CSMD1: variants seen among roughly 807,000 people sequenced by gnomAD.
The protein encoded by CSMD1 is CUB and sushi domain-containing protein 1.
CSMD1 carries 213 observed loss-of-function variants against 417.5 expected under a neutral mutation model. That is an observed-to-expected ratio of 0.51 (90% CI 0.46 to 0.57). The LOEUF is 0.57. Ranked by LOEUF, CSMD1 falls within the 20% of genes least tolerant of loss-of-function variation. The pLI, the probability that CSMD1 is intolerant of heterozygous loss-of-function variation, is 0.00. For missense variants in CSMD1, 6,923 were observed against 4,529.7 expected, an observed-to-expected ratio of 1.53 and a Z score of -15.17; for synonymous variants, 2,862 against 1,736.8, an observed-to-expected ratio of 1.65 and a Z score of -16.11.
intron 1 of CSMD1, among the ~76,000 whole-genome samples, chr8:4,663,018 C>A (rs1245323141): frequency 1.3e-5 from 2 of 152,078 alleles, no homozygotes; most frequent in Admixed American, 1.3e-4. Context: ...TTTTGATTTC[C>A]CTGAAAAATC....
At chr8:3,826,224 G>C (rs139622778) in intron 5 of CSMD1, among the ~76,000 whole-genome samples, 1 of 152,122 alleles carries the variant, frequency 6.6e-6, no homozygotes, top group Non-Finnish European at 1.5e-5. Context: ...ACAGTTGCTA[G>C]AAAGATGAAG....
intron 1 of CSMD1, among the ~76,000 whole-genome samples, chr8:4,845,898 A>G (rs1038344850): frequency 2.6e-5 from 4 of 152,212 alleles, no homozygotes; most frequent in Admixed American, 2.6e-4. Context: ...GTGGCTAACT[A>G]AAATGACAAG....
chr8:4,966,203 A>T (rs1299925598), intron 1 of CSMD1, among the ~76,000 whole-genome samples: 2 of 129,630 alleles, frequency 1.5e-5, no homozygotes, highest in African/African-American at 6.8e-5. Context: ...GTCTCTACTA[A>T]ATATACAAAA....
At chr8:4,915,723 G>C (rs1038410456) in intron 1 of CSMD1, among the ~76,000 whole-genome samples, 1 of 152,206 alleles carries the variant, frequency 6.6e-6, no homozygotes, top group African/African-American at 2.4e-5. Context: ...CATTATGTCC[G>C]GGTTTGGAGA....
intron 1 of CSMD1, among the ~76,000 whole-genome samples, chr8:4,726,182 T>G (rs1360715140): frequency 6.6e-6 from 1 of 152,144 alleles, no homozygotes; most frequent in Admixed American, 6.5e-5. Context: ...GTTGGTTGTA[T>G]TACACTTGGA....
chr8:3,343,322 G>C lies in CSMD1; in HGVS notation c.3603C>G (p.Thr1201=). 1.2e-6 allele frequency: 2 copies of C among 1,613,578 alleles called. No homozygotes were observed. The highest frequency in any genetic ancestry group is 2.2e-5 in the East Asian group (1 of 44,856). The change falls in exon 23 of 70, where the codon ACC becomes ACG. Residue 1201 remains threonine (T), a synonymous_variant. Transcript: ENST00000635120. Reference sequence around the variant, plus strand: ...TATAGGTGAGTTGAAAACCTTGGTCGGTGTCAGATCCATTGGTGTTGAACT... The same window carrying C: ...TATAGGTGAGTTGAAAACCTTGGTCCGTGTCAGATCCATTGGTGTTGAACT... The part of the protein sequence containing the change: ...WLEFNTNGSD[T]DQGFQLTYTS...
intron 4 of CSMD1, among the ~76,000 whole-genome samples, chr8:4,011,095 G>A (rs1419196660): frequency 6.6e-6 from 1 of 152,100 alleles, no homozygotes. Context: ...ATTTCACAAA[G>A]AAAATAGAAG....
At chr8:4,804,549 G>A (rs541838620) in intron 1 of CSMD1, among the ~76,000 whole-genome samples, 2 of 151,658 alleles carry the variant, frequency 1.3e-5, no homozygotes. Context: ...GAGAGGGAGG[G>A]AGGAACACTG....
intron 23 of CSMD1, among the ~76,000 whole-genome samples, chr8:3,332,191 C>G (rs1319753889): frequency 6.6e-6 from 1 of 152,226 alleles, no homozygotes; most frequent in Non-Finnish European, 1.5e-5. Flanking sequence ...TTATCCAAAA[C>G]TACTGCTTGA....
chr8:3,534,882 T>C (rs548959756), intron 10 of CSMD1, among the ~76,000 whole-genome samples: 23 of 152,354 alleles, frequency 1.5e-4, no homozygotes, highest in African/African-American at 5.0e-4. Flanking sequence ...TGGGAGCTAC[T>C]TGGTACAAAT....
chr8:3,957,737 T>G (rs553255555), intron 5 of CSMD1, among the ~76,000 whole-genome samples: 1 of 150,480 alleles, frequency 6.6e-6, no homozygotes, highest in South Asian at 2.1e-4. Flanking sequence ...AAAAGAAATG[T>G]AGAAAAGAAA....
intron 1 of CSMD1, among the ~76,000 whole-genome samples, chr8:4,957,353 G>T (rs1283694300): frequency 6.6e-6 from 1 of 152,118 alleles, no homozygotes; most frequent in South Asian, 2.1e-4. Flanking sequence ...GAGCACATTT[G>T]GCAGTTTGTG....
intron 1 of CSMD1, among the ~76,000 whole-genome samples, chr8:4,825,186 T>A (rs994149253): frequency 6.6e-6 from 1 of 152,112 alleles, no homozygotes; most frequent in Non-Finnish European, 1.5e-5. Context: ...CTGACATTTT[T>A]GAAGAGATGT....
intron 3 of CSMD1, among the ~76,000 whole-genome samples, chr8:4,105,162 A>G (rs905541830): frequency 1.3e-5 from 2 of 152,204 alleles, no homozygotes; most frequent in African/African-American, 4.8e-5. Flanking sequence ...TGAAAATTAG[A>G]TATCCATTCC....
chr8:4,187,818 C>T (rs182372092), intron 3 of CSMD1, among the ~76,000 whole-genome samples: 1 of 151,996 alleles, frequency 6.6e-6, no homozygotes, highest in East Asian at 1.9e-4. Context: ...TCCAAAATCA[C>T]AGTTTCAGAT....
At chr8:3,247,748 C>A (rs1270777440) in intron 26 of CSMD1, among the ~76,000 whole-genome samples, 1 of 152,266 alleles carries the variant, frequency 6.6e-6, no homozygotes, top group Non-Finnish European at 1.5e-5. Flanking sequence ...TGAAATGTTA[C>A]ACTAAAAAAA....
chr8:3,665,514 G>T (rs184960692), intron 7 of CSMD1, among the ~76,000 whole-genome samples: 1 of 152,106 alleles, frequency 6.6e-6, no homozygotes. Flanking sequence ...GGGCGACAGA[G>T]CGAGACTCCA....
At chr8:3,976,951 G>A (rs1813479759) in intron 5 of CSMD1, among the ~76,000 whole-genome samples, 1 of 152,180 alleles carries the variant, frequency 6.6e-6, no homozygotes, top group African/African-American at 2.4e-5. Flanking sequence ...TTGTCACAGG[G>A]CATAGTACAC....
At chr8:4,316,339 G>A (rs1169643852) in intron 3 of CSMD1, among the ~76,000 whole-genome samples, 5 of 152,018 alleles carry the variant, frequency 3.3e-5, no homozygotes, top group African/African-American at 7.2e-5. Flanking sequence ...TATTCCAAGC[G>A]GTTTCTTAGG....
Sources: allele counts gnomAD v4.1 joint callset (sites outside exome capture counted in the v4.1 genomes callset), GRCh38; gene constraint gnomAD v4.1.1; transcripts MANE v1.5; gene names NCBI Gene and HGNC (gene_info 2026-07-23, HGNC 2026-07-21).